FBXW10: variants seen among roughly 807,000 people sequenced by gnomAD.
FBXW10 encodes F-box/WD repeat-containing protein 10.
Under a neutral mutation model 113.1 loss-of-function variants are expected in FBXW10, and 68 were observed. That is an observed-to-expected ratio of 0.60 (90% CI 0.49 to 0.74). The LOEUF (loss-of-function observed/expected upper bound fraction) is 0.74. Among genes scored for constraint, FBXW10 ranks in the 30% least tolerant of loss-of-function variants. FBXW10 has a pLI of 0.00. For missense variants in FBXW10, 753 were observed against 1,284.5 expected (o/e 0.59, Z 6.32); for synonymous variants, 289 against 481.6 (o/e 0.60, Z 5.24).
intron 8 of FBXW10, among the ~76,000 whole-genome samples, chr17:18,765,082 G>C (rs879653127): frequency 1.3e-5 from 2 of 152,072 alleles, no homozygotes; most frequent in Non-Finnish European, 2.9e-5. Context: ...TACACACTGA[G>C]CTAAGTGCTG....
intron 13 of FBXW10, among the ~76,000 whole-genome samples, chr17:18,775,466 A>T (rs1385077586): frequency 6.6e-6 from 1 of 152,160 alleles, no homozygotes; most frequent in African/African-American, 2.4e-5. Context: ...TTCTGACTTG[A>T]GGCCACAGAG....
intron 2 of FBXW10, among the ~76,000 whole-genome samples, chr17:18,749,317 T>C (rs1308982409): frequency 1.3e-5 from 2 of 151,302 alleles, no homozygotes; most frequent in Non-Finnish European, 2.9e-5. Flanking sequence ...GGCGGGCGGA[T>C]CACACGGTCA....
chr17:18,764,225 CAGAGTCTCGCT>C (rs1439830904), intron 7 of FBXW10, among the ~76,000 whole-genome samples: 1 of 128,674 alleles, frequency 7.8e-6, no homozygotes, highest in Non-Finnish European at 1.6e-5. Context: ...TTTTTTGAGA[CAGAGTCTCGCT>C]CTATTGGCAG....
chr17:18,766,935 C>T, intron 9 of FBXW10, 73 bp downstream of exon 9: 1 of 1,459,604 alleles, frequency 6.9e-7, no homozygotes, highest in Non-Finnish European at 9.4e-7. Context: ...CTACCTAGCT[C>T]CTCAGGTCAT....
At chr17:18,770,864 A>C (rs1208991148) in intron 11 of FBXW10, among the ~76,000 whole-genome samples, 1 of 152,148 alleles carries the variant, frequency 6.6e-6, no homozygotes, top group African/African-American at 2.4e-5. Context: ...CAGTACCATG[A>C]CTGACTGCAT....
chr17:18,756,317 A>C (rs1369606902), intron 6 of FBXW10, among the ~76,000 whole-genome samples, 163 bp downstream of exon 6: 1 of 152,194 alleles, frequency 6.6e-6, no homozygotes, highest in East Asian at 1.9e-4. Flanking sequence ...TACCTGCTTC[A>C]TTTTGCACCA....
chr17:18,757,000 G>A (rs544979522), intron 6 of FBXW10, among the ~76,000 whole-genome samples: 10 of 151,966 alleles, frequency 6.6e-5, no homozygotes, highest in African/African-American at 2.4e-4. Context: ...TTGAATTCTA[G>A]GTATGACCAA....
chr17:18,765,524 T>C (rs1281431340), intron 8 of FBXW10, among the ~76,000 whole-genome samples: 2 of 152,192 alleles, frequency 1.3e-5, no homozygotes, highest in East Asian at 3.8e-4. Flanking sequence ...GGAATAATAA[T>C]AGTACTTGTC....
Position 18,779,041 on chromosome 17 carries a change from G to C in FBXW10, c.2902G>C (p.Glu968Gln). The change falls in exon 14 of 14, where the codon GAA (glutamate) becomes CAA (glutamine). Residue 968 changes from glutamate (E) to glutamine (Q), a missense_variant. Transcript: ENST00000395665. ...VGTATLSLKKERPRIYTALDP... is the reference protein window; with the variant it reads ...VGTATLSLKKQRPRIYTALDP... Reference sequence around the variant, plus strand: ...CACAGCCACCCTGTCTCTTAAGAAAGAACGGCCTCGCATCTATACAGCCCT... The same window carrying C: ...CACAGCCACCCTGTCTCTTAAGAAACAACGGCCTCGCATCTATACAGCCCT... 5 of 1,504,646 alleles carry C rather than the reference G, an allele frequency of 3.3e-6. No individual in the cohort carries two copies. Among genetic ancestry groups the C allele is most frequent in the Non-Finnish European group, 4.6e-6 (5 of 1,090,720 alleles). The allele number at this position is 1,504,646 out of a possible 1,614,324, so 93.2% of individuals were successfully genotyped here.
intron 1 of FBXW10, among the ~76,000 whole-genome samples, chr17:18,747,286 C>T (rs531860538): frequency 4.6e-5 from 7 of 152,082 alleles, no homozygotes; most frequent in Non-Finnish European, 1.0e-4. Flanking sequence ...TCTGGTTGGG[C>T]GCAGTGGCTC....
chr17:18,756,497 G>T (rs1281382933), intron 6 of FBXW10, among the ~76,000 whole-genome samples: 5 of 151,924 alleles, frequency 3.3e-5, no homozygotes, highest in Non-Finnish European at 5.9e-5. Flanking sequence ...TCAAATGCCA[G>T]AAAATGTATA....
intron 2 of FBXW10, 43 bp downstream of exon 2, chr17:18,748,148 G>A (rs190543476): frequency 5.6e-6 from 9 of 1,610,928 alleles, no homozygotes; most frequent in African/African-American, 5.3e-5. Flanking sequence ...GGCTAGGTGC[G>A]GTGGCTCATG....
chr17:18,745,956 T>G (rs1353515213), intron 1 of FBXW10, among the ~76,000 whole-genome samples: 1 of 152,232 alleles, frequency 6.6e-6, no homozygotes, highest in Non-Finnish European at 1.5e-5. Flanking sequence ...CTCACAGTTC[T>G]GAAGACTGTA....
chr17:18,768,762 C>T, intron 10 of FBXW10, 86 bp downstream of exon 10: 3 of 1,396,286 alleles, frequency 2.1e-6, no homozygotes, highest in Non-Finnish European at 3.0e-6. Flanking sequence ...GGCAGACCTT[C>T]TGCTCCCTGT....
chr17:18,765,626 AG>A (rs1377321471), intron 8 of FBXW10, among the ~76,000 whole-genome samples: 1 of 152,240 alleles, frequency 6.6e-6, no homozygotes, highest in Non-Finnish European at 1.5e-5. Context: ...ATTTTGTCTC[AG>A]GCCACTTGTC....
chr17:18,762,044 G>A (rs2035395053), intron 7 of FBXW10, among the ~76,000 whole-genome samples: 1 of 151,592 alleles, frequency 6.6e-6, no homozygotes, highest in African/African-American at 2.4e-5. Context: ...CTCACTGCCA[G>A]CTCCGCCTCC....
intron 2 of FBXW10, among the ~76,000 whole-genome samples, chr17:18,749,104 C>T (rs374335912): frequency 6.6e-6 from 1 of 152,140 alleles, no homozygotes; most frequent in African/African-American, 2.4e-5. Flanking sequence ...CATTTCCCCC[C>T]CTTTCTTAAG....
At chr17:18,746,364 G>C (rs184983413) in intron 1 of FBXW10, among the ~76,000 whole-genome samples, 5 of 152,280 alleles carry the variant, frequency 3.3e-5, no homozygotes, top group African/African-American at 1.2e-4. Flanking sequence ...GATTTAAGCA[G>C]AGGTGGGAGA....
intron 2 of FBXW10, among the ~76,000 whole-genome samples, chr17:18,748,840 C>T (rs2035097821): frequency 6.6e-6 from 1 of 152,188 alleles, no homozygotes; most frequent in Non-Finnish European, 1.5e-5. Flanking sequence ...GTATTGGATT[C>T]AGTCTTGAGG....
Sources: gnomAD v4.1 joint callset for allele counts (sites outside exome capture counted in the v4.1 genomes callset) on GRCh38, gnomAD v4.1.1 for gene constraint, MANE v1.5 for transcripts, NCBI Gene and HGNC (gene_info 2026-07-23, HGNC 2026-07-21) for gene names.